The following WDFY4 variants were observed in gnomAD, a reference collection of about 807,000 sequenced individuals.
WDFY4 encodes WD repeat- and FYVE domain-containing protein 4.
In WDFY4, 169 loss-of-function variants were observed where a neutral mutation model predicts 351.9. That is an observed-to-expected ratio of 0.48 (90% CI 0.42 to 0.55). WDFY4 has a LOEUF of 0.55. Ranked by LOEUF, WDFY4 falls within the 20% of genes least tolerant of loss-of-function variation. WDFY4 has a pLI of 0.00. For synonymous variants in WDFY4, 1,622 were observed against 1,574.6 expected, an observed-to-expected ratio of 1.03 and a Z score of -0.71; for missense variants, 3,803 against 3,935.6, an observed-to-expected ratio of 0.97 and a Z score of 0.90.
rs373074675 is a variant in WDFY4 at position 48,877,070 on chromosome 10, C to T, written c.7038C>T (p.Asp2346=). Residue 2346 remains aspartate, a synonymous_variant, in exon 43 of 62, where the codon GAC becomes GAT. Coordinates refer to ENST00000325239, the MANE Select transcript of WDFY4 (RefSeq NM_001394531.1). ...TGAGGGAGGCTGAGGGCGAGCCGGA[C>T]GAGGTGGGGGTGGACTGCACCCAGC... ...LTLREAEGEP[D]EVGVDCTQLT... 43 of 1,521,200 alleles carry T rather than the reference C, an allele frequency of 2.8e-5. No individual in the cohort carries two copies. The highest frequency in any genetic ancestry group is 1.7e-4 in the Middle Eastern group (1 of 5,758). 94.2% of individuals were successfully genotyped at this position (1,521,200 alleles called of 1,614,324 possible). A position where few individuals can be genotyped will look rare whatever the true frequency, so the allele number is the denominator to read the frequency against.
chr10:48,821,025 C>A (rs1369448283), intron 33 of WDFY4, 37 bp from the exon 34 acceptor site: 2 of 1,469,866 alleles, frequency 1.4e-6, no homozygotes, highest in South Asian at 2.4e-5. Context: ...CACGATGGCC[C>A]TGTGGTTGCT....
Position 48,719,989 on chromosome 10 carries a change from CAA to C in WDFY4, c.235-21_235-20del, listed in dbSNP as rs2064027186. 6.5e-6 allele frequency: 10 copies of C among 1,548,762 alleles called. No homozygotes were observed. In the East Asian group the frequency reaches 2.4e-4, roughly 38 times the overall value. On this transcript the variant is annotated intron_variant, in intron 2 of 61. Transcript: ENST00000325239. ...TGCTTGTGGCATTGCTATCTCTGAC[CAA>C]GTCCCATCTGTTGCTTCAGGCCTGG...
At chr10:48,721,018 C>A (rs934749256) in intron 3 of WDFY4, among the ~76,000 whole-genome samples, 2 of 152,204 alleles carry the variant, frequency 1.3e-5, no homozygotes, top group African/African-American at 4.8e-5. Context: ...CATTGGCAAT[C>A]AGGAACCACT....
At chr10:48,871,716 A>G (rs1196629652) in intron 40 of WDFY4, among the ~76,000 whole-genome samples, 1 of 152,122 alleles carries the variant, frequency 6.6e-6, no homozygotes, top group Non-Finnish European at 1.5e-5. Context: ...GCCTCAAGAA[A>G]TTCTCCCACC....
At chr10:48,792,638 A>G (rs1256460987) in intron 23 of WDFY4, among the ~76,000 whole-genome samples, 1 of 152,258 alleles carries the variant, frequency 6.6e-6, no homozygotes, top group Non-Finnish European at 1.5e-5. Flanking sequence ...GACAATTTCT[A>G]AAAAGGCACA....
intron 47 of WDFY4, among the ~76,000 whole-genome samples, chr10:48,934,230 A>G (rs896104750): frequency 1.3e-5 from 2 of 152,192 alleles, no homozygotes; most frequent in Non-Finnish European, 2.9e-5. Flanking sequence ...ATGTATGGAG[A>G]ATTTATTATG....
chr10:48,723,242 T>G (rs2132288881), intron 4 of WDFY4, among the ~76,000 whole-genome samples, 191 bp from the exon 5 acceptor site: 1 of 151,778 alleles, frequency 6.6e-6, no homozygotes, highest in East Asian at 1.9e-4. Flanking sequence ...GTAAGCACTT[T>G]ATATAAACTT....
intron 3 of WDFY4, among the ~76,000 whole-genome samples, chr10:48,720,553 AACT>A (rs1386361439): frequency 1.3e-5 from 2 of 151,908 alleles, no homozygotes; most frequent in African/African-American, 4.8e-5. Flanking sequence ...TACTCACAGA[AACT>A]ACACACAGAC....
intron 47 of WDFY4, among the ~76,000 whole-genome samples, chr10:48,920,245 T>C (rs2133575595): frequency 6.6e-6 from 1 of 151,924 alleles, no homozygotes; most frequent in East Asian, 1.9e-4. Context: ...CTAAAGGACG[T>C]CCACAAAAAA....
At chr10:48,957,316 C>T (rs777006020) in intron 52 of WDFY4, 34 bp downstream of exon 52, 27 of 1,539,428 alleles carry the variant, frequency 1.8e-5, no homozygotes, top group Middle Eastern at 1.7e-4. Context: ...GGGTGAGTGG[C>T]GTTGCAGGGT....
chr10:48,811,920 C>T (rs2067460512), intron 30 of WDFY4, among the ~76,000 whole-genome samples: 1 of 152,192 alleles, frequency 6.6e-6, no homozygotes, highest in Non-Finnish European at 1.5e-5. Context: ...CCTCTGCTCC[C>T]ATCCTTCCTC....
chr10:48,875,879 A>T (rs1248520237), intron 42 of WDFY4, among the ~76,000 whole-genome samples: 1 of 152,144 alleles, frequency 6.6e-6, no homozygotes, highest in East Asian at 1.9e-4. Flanking sequence ...AGAGGATAGG[A>T]TGATATTGTG....
Position 48,723,447 on chromosome 10 carries a change from G to T in WDFY4, c.471G>T (p.Arg157Ser). 6.5e-7 allele frequency: 1 copy of T among 1,550,012 alleles called. No individual in the cohort carries two copies. The highest frequency in any genetic ancestry group is 8.7e-7 in the Non-Finnish European group (1 of 1,146,940). ...LTGTDSETLG[R>S]VAESGLPALL... ...TTCTCTTGCAGGAGACGCTGGGCAG[G>T]GTTGCTGAGTCTGGGCTTCCAGCCC... The change falls in exon 5 of 62, where the codon AGG becomes AGT. Residue 157 changes from arginine to serine, a missense_variant. Coordinates refer to ENST00000325239, the MANE Select transcript of WDFY4 (RefSeq NM_001394531.1).
At chr10:48,710,293 C>A (rs1416316010) in intron 2 of WDFY4, among the ~76,000 whole-genome samples, 1 of 152,174 alleles carries the variant, frequency 6.6e-6, no homozygotes, top group Admixed American at 6.5e-5. Context: ...TGAGGGGCCT[C>A]TCTCAGGCTT....
chr10:48,869,504 C>A (rs1479537105), intron 40 of WDFY4, among the ~76,000 whole-genome samples: 1 of 151,856 alleles, frequency 6.6e-6, no homozygotes, highest in Non-Finnish European at 1.5e-5. Flanking sequence ...ATTATTATAT[C>A]AACAGCAAAC....
At chr10:48,811,397 C>G (rs144767603) in intron 29 of WDFY4, 142 bp from the exon 30 acceptor site, 2 of 697,036 alleles carry the variant, frequency 2.9e-6, no homozygotes, top group Admixed American at 5.7e-5. Context: ...CTTTTTGCTC[C>G]CATCTATGTG....
At chr10:48,706,546 A>T (rs574696029) in intron 1 of WDFY4, among the ~76,000 whole-genome samples, 2 of 152,056 alleles carry the variant, frequency 1.3e-5, no homozygotes, top group South Asian at 2.1e-4. Context: ...TATCAGGGTT[A>T]AAAAAAAGGG....
At chr10:48,823,712 C>T (rs1223070333) in intron 35 of WDFY4, 3 of 993,764 alleles carry the variant, frequency 3.0e-6, no homozygotes, top group Non-Finnish European at 2.4e-6. Context: ...GGACTCCCAG[C>T]TAATATCCCA....
At chr10:48,924,538 AATAG>A (rs1051439082) in intron 47 of WDFY4, among the ~76,000 whole-genome samples, 6 of 152,380 alleles carry the variant, frequency 3.9e-5, no homozygotes, top group Admixed American at 1.3e-4. Context: ...TTGGATGGAT[AATAG>A]ATTTCATTTC....
Sources: allele counts gnomAD v4.1 joint callset (sites outside exome capture counted in the v4.1 genomes callset), GRCh38; gene constraint gnomAD v4.1.1; transcripts MANE v1.5; gene names NCBI Gene and HGNC (gene_info 2026-07-23, HGNC 2026-07-21).